Variants in NR1H2 observed in about 807,000 individuals in gnomAD.
NR1H2 encodes oxysterols receptor LXR-beta.
In NR1H2, 33 loss-of-function variants were observed where a neutral mutation model predicts 51.2. That is an observed-to-expected ratio of 0.64 (90% CI 0.49 to 0.86). The LOEUF (loss-of-function observed/expected upper bound fraction) is 0.86. NR1H2 is among the 40% of genes least tolerant of loss of function. NR1H2 has a pLI of 0.00. For missense variants in NR1H2, 592 were observed against 639.9 expected (o/e 0.93, Z 0.81); for synonymous variants, 310 against 264.3 (o/e 1.17, Z -1.68).
rs1049049124 is a variant in NR1H2, at chr19:50,377,820, C to T, written c.131C>T (p.Pro44Leu). 5.0e-6 allele frequency: 8 copies of T among 1,608,540 alleles called. No homozygotes were observed. The highest frequency in any genetic ancestry group is 1.3e-5 in the African/African-American group (1 of 74,656). Residue 44 changes from proline (P) to leucine (L), a missense_variant, in exon 4 of 10, where the codon CCT becomes CTT. Pro to Leu is a moderately conservative substitution (Grantham distance 98, BLOSUM62 -3). Coordinates refer to ENST00000253727, the MANE Select transcript of NR1H2 (RefSeq NM_007121.7). ...GPEPWPGGPD[P>L]DVPGTDEASS... ...GAGCCGTGGCCCGGGGGTCCGGACC[C>T]TGATGTCCCAGGCACTGATGAGGCC... is the stretch of plus-strand genomic sequence containing the variant.
At chr19:50,379,667 A>G (rs1051815923) in intron 7 of NR1H2, 113 bp from the exon 8 acceptor site, 2 of 710,398 alleles carry the variant, frequency 2.8e-6, no homozygotes, top group Non-Finnish European at 5.1e-6. Flanking sequence ...ACAGGGGGGA[A>G]GGGGACAAGG....
chr19:50,382,324 CCAAGCACAGAGGCGGGCCCCACGCT>C (rs2037785514), intron 9 of NR1H2, 107 bp from the exon 10 acceptor site: 6 of 1,370,890 alleles, frequency 4.4e-6, no homozygotes, highest in Non-Finnish European at 5.9e-6. Context: ...CAGGTCTAGT[CCAAGCACAGAGGCGGGCCCCACGCT>C]GGCTCCCACG....
Position 50,378,242 on chromosome 19 carries a change from AC to A in NR1H2, c.276del (p.Asp92GlufsTer63), listed in dbSNP as rs1172419247. 1.2e-6 allele frequency: 2 copies of A among 1,613,432 alleles called. No individual in the cohort carries two copies. The highest frequency in any genetic ancestry group is 1.7e-6 in the Non-Finnish European group (2 of 1,180,040). ...LGHELCRVCGDKASGFHYNVL... is the reference protein window; with the variant it reads ...LGHELCRVCGXKASGFHYNVL... ...CACGAGCTTTGCCGTGTCTGTGGGG[AC>A]AAGGCCTCCGGCTTCCACTACAACG... On this transcript the variant is annotated frameshift_variant, in exon 5 of 10. Coordinates refer to ENST00000253727, the MANE Select transcript of NR1H2 (RefSeq NM_007121.7). LOFTEE classifies it high-confidence loss of function.
chr19:50,378,730 C>G lies in NR1H2; in HGVS notation c.681C>G (p.Ile227Met). Residue 227 changes from isoleucine to methionine, a missense_variant, in exon 6 of 10, where the codon ATC becomes ATG. Ile to Met is a conservative substitution (Grantham distance 10, BLOSUM62 1). Transcript: ENST00000253727. ...TAACAGCGGCTCAAGAACTAATGATCCAGCAGTTGGTGGCGGCCCAACTGC... is the reference window on the plus strand; with the variant it reads ...TAACAGCGGCTCAAGAACTAATGATGCAGCAGTTGGTGGCGGCCCAACTGC... ...VQLTAAQELMIQQLVAAQLQC... is the reference protein window; with the variant it reads ...VQLTAAQELMMQQLVAAQLQC... 6.2e-7 allele frequency: 1 copy of G among 1,613,862 alleles called. No homozygotes were observed. Among genetic ancestry groups the G allele is most frequent in the Non-Finnish European group, 8.5e-7 (1 of 1,180,034 alleles).
At position 50,382,743 on chromosome 19, in the gene NR1H2, C is replaced by T; in HGVS notation, c.*141C>T. On this transcript the variant is annotated 3_prime_UTR_variant, in exon 10 of 10. Coordinates refer to ENST00000253727, the MANE Select transcript of NR1H2 (RefSeq NM_007121.7). ...GGCTCTCATCCCTTGGGATAAGCCCCAGTCCAGGTCCAGGAGGCTCCCTCC... is the reference window on the plus strand; with the variant it reads ...GGCTCTCATCCCTTGGGATAAGCCCTAGTCCAGGTCCAGGAGGCTCCCTCC... 1 of 881,442 alleles carries T rather than the reference C, an allele frequency of 1.1e-6. No homozygotes were observed. Among genetic ancestry groups the T allele is most frequent in the South Asian group, 1.9e-5 (1 of 52,868 alleles). The allele number at this position is 881,442 out of a possible 1,614,324, so 54.6% of individuals were successfully genotyped here.
At position 50,377,863 on chromosome 19, in the gene NR1H2, A is replaced by T; in HGVS notation, c.174A>T (p.Thr58=). The change falls in exon 4 of 10, where the codon ACA becomes ACT. Residue 58 remains threonine (T), a synonymous_variant. Transcript: ENST00000253727. ...ATGAGGCCAGCTCAGCCTGCAGCAC[A>T]GACTGGGGTGAGACAGGGCCCTGGA... ...GTDEASSACS[T]DWVIPDPEEE... 1.3e-6 allele frequency: 2 copies of T among 1,566,012 alleles called. No homozygotes were observed. The highest frequency in any genetic ancestry group is 1.7e-6 in the Non-Finnish European group (2 of 1,160,420).
intron 8 of NR1H2, among the ~76,000 whole-genome samples, chr19:50,380,823 C>T (rs1216180560): frequency 6.6e-6 from 1 of 152,164 alleles, no homozygotes; most frequent in Non-Finnish European, 1.5e-5. Flanking sequence ...CCCAGCCGCT[C>T]CTCTGCCACC....
At chr19:50,377,939 A>G (rs2123644884) in intron 4 of NR1H2, 69 bp downstream of exon 4, 2 of 1,488,098 alleles carry the variant, frequency 1.3e-6, no homozygotes, top group Non-Finnish European at 1.8e-6. Flanking sequence ...AGAAATAGAA[A>G]TGGGAATGGG....
rs763394092 is a variant in NR1H2, at chr19:50,378,307, A to G, written c.340A>G (p.Ser114Gly). ...AGGCTGCAAGGGCTTCTTCCGGCGC[A>G]GTGTGGTCCGTGGTGGGGCCAGGCG... ...CEGCKGFFRRSVVRGGARRYA... is the reference protein window; with the variant it reads ...CEGCKGFFRRGVVRGGARRYA... The change falls in exon 5 of 10, where the codon AGT becomes GGT. Residue 114 changes from serine to glycine, a missense_variant. By Grantham distance (56) the Ser-to-Gly change is moderately conservative. Around this residue, in one of 3 missense-constraint regions of NR1H2, gnomAD observed 316 missense variants for 313.4 expected, o/e 1.01. Coordinates refer to ENST00000253727, the MANE Select transcript of NR1H2 (RefSeq NM_007121.7). The G allele has an allele frequency of 1.2e-6, 2 of 1,613,314 alleles. No homozygotes were observed. The highest frequency in any genetic ancestry group is 1.7e-6 in the Non-Finnish European group (2 of 1,180,022).
intron 8 of NR1H2, among the ~76,000 whole-genome samples, chr19:50,381,288 A>T (rs912470301): frequency 6.6e-6 from 1 of 152,066 alleles, no homozygotes; most frequent in Non-Finnish European, 1.5e-5. Flanking sequence ...CACCCTCACA[A>T]TCCCTCATCT....
chr19:50,379,863 C>G lies in NR1H2; in HGVS notation c.1011C>G (p.Asp337Glu), dbSNP rs201314750. ...TFLKDFTYSK[D>E]DFHRAGLQVE... is the part of the protein sequence containing the mutation. ...TGAAGGACTTCACCTACAGCAAGGACGACTTCCACCGTGCAGGTAGGGCCC... is the reference window on the plus strand; with the variant it reads ...TGAAGGACTTCACCTACAGCAAGGAGGACTTCCACCGTGCAGGTAGGGCCC... Residue 337 changes from aspartate (D) to glutamate (E), a missense_variant, in exon 8 of 10, where the codon GAC (aspartate) becomes GAG (glutamate). This residue lies in a region of NR1H2 where 102 missense variants were observed against 152.4 expected (regional missense o/e 0.67). Transcript: ENST00000253727. 1 of 1,612,992 alleles carries G rather than the reference C, an allele frequency of 6.2e-7. No individual in the cohort carries two copies. Among genetic ancestry groups the G allele is most frequent in the African/African-American group, 1.3e-5 (1 of 74,900 alleles).
chr19:50,382,165 G>A lies in NR1H2; in HGVS notation c.1227G>A (p.Lys409=). 3 of 1,531,336 alleles carry A rather than the reference G, an allele frequency of 2.0e-6. No individual in the cohort carries two copies. Among genetic ancestry groups the A allele is most frequent in the Non-Finnish European group, 2.6e-6 (3 of 1,142,802 alleles). The allele number at this position is 1,531,336 out of a possible 1,614,324, so 94.9% of individuals were successfully genotyped here. ...CGCTGCTGTCCTACACGCGCATCAA[G>A]AGGCCGCAGGTAGGGCCCCGCAGAG... is the stretch of plus-strand genomic sequence containing the variant. The part of the protein sequence containing the change: ...VEALLSYTRI[K]RPQDQLRFPR... The change falls in exon 9 of 10, where the codon AAG becomes AAA. Residue 409 remains lysine (K), a synonymous_variant. Coordinates refer to ENST00000253727, the MANE Select transcript of NR1H2 (RefSeq NM_007121.7).
In NR1H2 at chr19:50,382,782, C is replaced by A; in HGVS notation, c.*180C>A. On this transcript the variant is annotated 3_prime_UTR_variant, in exon 10 of 10. Coordinates refer to ENST00000253727, the MANE Select transcript of NR1H2 (RefSeq NM_007121.7). ...GAGGCTCCCTCCCTGCCCAGCGAGT[C>A]TTCCAGAAGGGGTGAAAGGGTTGCA... 1.7e-6 allele frequency: 1 copy of A among 604,694 alleles called. No individual in the cohort carries two copies. Among genetic ancestry groups the A allele is most frequent in the Non-Finnish European group, 2.7e-6 (1 of 370,764 alleles). The allele number at this position is 604,694 out of a possible 1,614,324, so 37.5% of individuals were successfully genotyped here.
At chr19:50,379,551 A>T (rs2037731562) in intron 7 of NR1H2, among the ~76,000 whole-genome samples, 1 of 152,152 alleles carries the variant, frequency 6.6e-6, no homozygotes, top group Admixed American at 6.6e-5. Flanking sequence ...TCACCTGGGG[A>T]AAGAGTATCC....
chr19:50,377,451 C>T (rs1213515579), intron 2 of NR1H2, 136 bp from the exon 3 acceptor site: 4 of 629,342 alleles, frequency 6.4e-6, no homozygotes, highest in African/African-American at 1.9e-5. Flanking sequence ...TGTAGGCTGG[C>T]AGGAACCAGG....
chr19:50,378,812 C>A lies in NR1H2; in HGVS notation c.747+16C>A. 6.2e-7 allele frequency: 1 copy of A among 1,609,810 alleles called. No homozygotes were observed. Among genetic ancestry groups the A allele is most frequent in the Non-Finnish European group, 8.5e-7 (1 of 1,177,424 alleles). On this transcript the variant is annotated intron_variant, in intron 6 of 9. Coordinates refer to ENST00000253727, the MANE Select transcript of NR1H2 (RefSeq NM_007121.7). Reference sequence around the variant, plus strand: ...CAAAGTCACGGTACTGCCCCCTCCACAACCTTGAGTGTGACGGTCCCAATG... The same window carrying A: ...CAAAGTCACGGTACTGCCCCCTCCAAAACCTTGAGTGTGACGGTCCCAATG...
rs1318760550 is a variant in NR1H2, at chr19:50,376,795, G to C, written c.-51G>C. Reference sequence around the variant, plus strand: ...GCAGCCATGAGCCCCGCCCCCCGCTGTTGCTTGGAGAGGGGCGGGACCTGG... The same window carrying C: ...GCAGCCATGAGCCCCGCCCCCCGCTCTTGCTTGGAGAGGGGCGGGACCTGG... On this transcript the variant is annotated 5_prime_UTR_variant, in exon 2 of 10. Transcript: ENST00000253727. 6.6e-6 allele frequency: 1 copy of C among 152,152 alleles called. No homozygotes were observed. The highest frequency in any genetic ancestry group is 1.5e-5 in the Non-Finnish European group (1 of 68,038). 9.4% of individuals were successfully genotyped at this position (152,152 alleles called of 1,614,324 possible).
At chr19:50,377,510 G>C in intron 2 of NR1H2, 77 bp from the exon 3 acceptor site, 1 of 1,145,934 alleles carries the variant, frequency 8.7e-7, no homozygotes, top group Non-Finnish European at 1.3e-6. Context: ...AAAAGGGAAA[G>C]CCCTGTCAGG....
At position 50,378,382 on chromosome 19, in the gene NR1H2, C is replaced by T. The variant is rs759951430; in HGVS notation, c.415C>T (p.Arg139Cys). The T allele has an allele frequency of 5.0e-6, 8 of 1,608,670 alleles. No individual in the cohort carries two copies. The highest frequency in any genetic ancestry group is 1.7e-5 in the Admixed American group (1 of 59,910). The stretch of plus-strand genomic sequence containing the variant: ...CTGCCAGATGGACGCTTTCATGCGG[C>T]GCAAGTGCCAGCAGTGCCGGCTGCG... ...GTCQMDAFMR[R>C]KCQQCRLRKC... The change falls in exon 5 of 10, where the codon CGC (arginine) becomes TGC (cysteine). Residue 139 changes from arginine to cysteine, a missense_variant. Arg to Cys is a radical substitution (Grantham distance 180, BLOSUM62 -3). This residue lies in a region of NR1H2 where 316 missense variants were observed against 313.4 expected (regional missense o/e 1.01). Transcript: ENST00000253727.
Sources: gnomAD v4.1 joint callset for allele counts (sites outside exome capture counted in the v4.1 genomes callset) on GRCh38, gnomAD v4.1.1 for gene constraint, gnomAD v4.1.1 regional missense constraint, MANE v1.5 for transcripts, NCBI Gene and HGNC (gene_info 2026-07-23, HGNC 2026-07-21) for gene names.